Variants in OPCML observed in about 807,000 individuals in gnomAD.
OPCML encodes the protein opioid-binding protein/cell adhesion molecule.
OPCML carries 13 observed loss-of-function variants against 37.8 expected under a neutral mutation model. That is an observed-to-expected ratio of 0.34 (90% CI 0.22 to 0.55). OPCML has a LOEUF of 0.55. OPCML is among the 20% of genes least tolerant of loss of function. The pLI, the probability that OPCML is intolerant of heterozygous loss-of-function variation, is 0.91. For missense variants in OPCML, 341 were observed against 435.6 expected, an observed-to-expected ratio of 0.78 and a Z score of 1.93; for synonymous variants, 176 against 168.8, an observed-to-expected ratio of 1.04 and a Z score of -0.33.
intron 3 of OPCML, among the ~76,000 whole-genome samples, chr11:132,537,869 A>C (rs2096345134): frequency 6.6e-6 from 1 of 152,228 alleles, no homozygotes; most frequent in African/African-American, 2.4e-5. Flanking sequence ...ATGAGATATC[A>C]CTTCACACCC....
chr11:133,056,702 A>T (rs1279872525), intron 1 of OPCML, among the ~76,000 whole-genome samples: 1 of 152,244 alleles, frequency 6.6e-6, no homozygotes, highest in East Asian at 1.9e-4. Flanking sequence ...AAGCATGTGC[A>T]GTACTCAGAT....
chr11:133,200,695 C>A (rs553059476), intron 1 of OPCML, among the ~76,000 whole-genome samples: 3 of 152,230 alleles, frequency 2.0e-5, no homozygotes, highest in East Asian at 1.9e-4. Flanking sequence ...TTCCACGTAA[C>A]AATATGTTCC....
At chr11:132,750,342 A>T (rs1945789520) in intron 2 of OPCML, among the ~76,000 whole-genome samples, 2 of 152,248 alleles carry the variant, frequency 1.3e-5, no homozygotes, top group Admixed American at 6.5e-5. Context: ...TGATAGAAAT[A>T]GTCCAATAGA....
intron 1 of OPCML, among the ~76,000 whole-genome samples, chr11:133,197,652 T>C (rs553743144): frequency 6.6e-6 from 1 of 152,310 alleles, no homozygotes; most frequent in Non-Finnish European, 1.5e-5. Context: ...GGCTGACAAA[T>C]GGTGTTTATG....
intron 4 of OPCML, among the ~76,000 whole-genome samples, chr11:132,500,486 C>T (rs1228610341): frequency 6.6e-6 from 1 of 152,168 alleles, no homozygotes; most frequent in Non-Finnish European, 1.5e-5. Flanking sequence ...GGCATTGAAG[C>T]AGTTGTCCAT....
intron 3 of OPCML, among the ~76,000 whole-genome samples, chr11:132,560,836 T>C (rs2096409029): frequency 6.6e-6 from 1 of 152,226 alleles, no homozygotes; most frequent in African/African-American, 2.4e-5. Flanking sequence ...GATGTATACA[T>C]TGTGAAGATT....
At position 132,820,097 on chromosome 11, in the gene OPCML, A is replaced by ATGAG. The variant is rs1451390103; in HGVS notation, c.146+122828_146+122829insCTCA. On this transcript the variant is annotated intron_variant, in intron 2 of 7. Coordinates refer to ENST00000524381, the MANE Select transcript of OPCML (RefSeq NM_001012393.5). Reference sequence around the variant, plus strand: ...AATGAATGAATGAATGAATGAATGAATGAATGAAAGAAACCAGAAAGGAAG... The same window carrying ATGAG: ...AATGAATGAATGAATGAATGAATGAATGAGTGAATGAAAGAAACCAGAAAGGAAG... 2.2e-4 allele frequency among the ~76,000 whole-genome samples: 10 copies of ATGAG among 45,816 alleles called. No homozygotes were observed. In the South Asian group the frequency reaches 3.8e-3, roughly 17 times the overall value. The allele number at this position is 45,816 out of a possible 152,430, so 30.1% of individuals were successfully genotyped here. A position where few individuals can be genotyped will look rare whatever the true frequency, so the allele number is the denominator to read the frequency against.
intron 2 of OPCML, among the ~76,000 whole-genome samples, chr11:132,853,872 T>C (rs796759816): frequency 6.6e-6 from 1 of 151,880 alleles, no homozygotes; most frequent in Non-Finnish European, 1.5e-5. Context: ...GTGCAGGGAG[T>C]TTTCCCCACT....
At chr11:132,603,263 A>G (rs1414140143) in intron 3 of OPCML, among the ~76,000 whole-genome samples, 2 of 152,034 alleles carry the variant, frequency 1.3e-5, no homozygotes, top group African/African-American at 4.8e-5. Context: ...AATTCAACAC[A>G]CCCAAAACTG....
At chr11:133,432,522 C>T (rs374301282) in intron 1 of OPCML, among the ~76,000 whole-genome samples, 43 of 152,012 alleles carry the variant, frequency 2.8e-4, no homozygotes, top group African/African-American at 1.0e-3. Context: ...ATTATAGGCA[C>T]GAGCCACCAT....
chr11:133,116,417 C>T (rs1231590358), intron 1 of OPCML, among the ~76,000 whole-genome samples: 1 of 152,158 alleles, frequency 6.6e-6, no homozygotes, highest in African/African-American at 2.4e-5. Context: ...GGAGCCAATC[C>T]AGAATCATAC....
At chr11:132,617,610 A>T (rs1163602043) in intron 3 of OPCML, among the ~76,000 whole-genome samples, 2 of 152,192 alleles carry the variant, frequency 1.3e-5, no homozygotes, top group Non-Finnish European at 1.5e-5. Flanking sequence ...AAAATACCAC[A>T]GGCTGAGTGC....
chr11:132,723,147 G>T (rs961516857), intron 2 of OPCML, among the ~76,000 whole-genome samples: 1 of 152,128 alleles, frequency 6.6e-6, no homozygotes, highest in Non-Finnish European at 1.5e-5. Context: ...ATTAGGAAAT[G>T]GTTATTTATG....
At chr11:133,326,169 A>G (rs1943442474) in intron 1 of OPCML, among the ~76,000 whole-genome samples, 1 of 151,836 alleles carries the variant, frequency 6.6e-6, no homozygotes, top group African/African-American at 2.4e-5. Context: ...CCCTCCAAAA[A>G]CAATTGAGAG....
chr11:133,332,364 A>T (rs1046596487), intron 1 of OPCML, among the ~76,000 whole-genome samples: 3 of 152,184 alleles, frequency 2.0e-5, no homozygotes, highest in Admixed American at 6.5e-5. Flanking sequence ...GAATGATGTC[A>T]TCTGGAACAG....
intron 3 of OPCML, among the ~76,000 whole-genome samples, chr11:132,635,834 T>A (rs1188931688): frequency 1.3e-5 from 2 of 152,164 alleles, no homozygotes; most frequent in Non-Finnish European, 2.9e-5. Context: ...TCATAAGTCA[T>A]CACTTAGAAT....
At chr11:132,540,237 T>C (rs1191101970) in intron 3 of OPCML, among the ~76,000 whole-genome samples, 2 of 152,164 alleles carry the variant, frequency 1.3e-5, no homozygotes, top group East Asian at 3.9e-4. Flanking sequence ...ACAGCACTTT[T>C]CACACTGTTC....
At chr11:132,967,018 C>T (rs1400708000) in intron 1 of OPCML, among the ~76,000 whole-genome samples, 1 of 152,056 alleles carries the variant, frequency 6.6e-6, no homozygotes, top group African/African-American at 2.4e-5. Flanking sequence ...AATCTAGTCA[C>T]ATTTAATGTT....
At chr11:133,091,339 T>C (rs1252361567) in intron 1 of OPCML, among the ~76,000 whole-genome samples, 1 of 152,206 alleles carries the variant, frequency 6.6e-6, no homozygotes, top group Non-Finnish European at 1.5e-5. Flanking sequence ...GCATCCTCAC[T>C]AGAGCCACGT....
Sources: gnomAD v4.1 joint callset for allele counts (sites outside exome capture counted in the v4.1 genomes callset) on GRCh38, gnomAD v4.1.1 for gene constraint, MANE v1.5 for transcripts, NCBI Gene and HGNC (gene_info 2026-07-23, HGNC 2026-07-21) for gene names.